VWA3B: variants seen among roughly 807,000 people sequenced by gnomAD.
VWA3B encodes von Willebrand factor A domain-containing protein 3B.
Under a neutral mutation model 158.3 loss-of-function variants are expected in VWA3B, and 138 were observed. The observed-to-expected ratio is 0.87, with a 90% CI of 0.76 to 1.00. The LOEUF (loss-of-function observed/expected upper bound fraction) is 1.00. Ranked by LOEUF, VWA3B falls within the 50% of genes least tolerant of loss-of-function variation. VWA3B has a pLI of 0.00. For synonymous variants in VWA3B, 596 were observed against 587.3 expected, an observed-to-expected ratio of 1.01 and a Z score of -0.21; for missense variants, 1,555 against 1,565.1, an observed-to-expected ratio of 0.99 and a Z score of 0.11.
intron 7 of VWA3B, among the ~76,000 whole-genome samples, chr2:98,156,989 G>A (rs1283764038): frequency 6.6e-6 from 1 of 151,970 alleles, no homozygotes; most frequent in Non-Finnish European, 1.5e-5. Flanking sequence ...GTTCATTTTT[G>A]GGTTTTCTAA....
intron 2 of VWA3B, among the ~76,000 whole-genome samples, chr2:98,106,226 A>C (rs1023322579): frequency 2.0e-5 from 3 of 151,840 alleles, no homozygotes; most frequent in African/African-American, 2.4e-5. Context: ...TAGGTTCTCT[A>C]TTTGTTCTAT....
chr2:98,195,119 A>G (rs1008505189), intron 12 of VWA3B, among the ~76,000 whole-genome samples: 1 of 152,212 alleles, frequency 6.6e-6, no homozygotes, highest in East Asian at 1.9e-4. Flanking sequence ...TATTTGAGAT[A>G]TACTACAATT....
At chr2:98,123,664 C>T (rs867503392) in intron 5 of VWA3B, among the ~76,000 whole-genome samples, 38 of 152,286 alleles carry the variant, frequency 2.5e-4, no homozygotes, top group Middle Eastern at 6.8e-3. Context: ...GAGGGCAGCA[C>T]GTGGGGTCCT....
At chr2:98,268,530 T>C (rs1162550969) in intron 21 of VWA3B, among the ~76,000 whole-genome samples, 5 of 152,174 alleles carry the variant, frequency 3.3e-5, no homozygotes, top group Admixed American at 3.3e-4. Flanking sequence ...TTCTTTTTTA[T>C]AGTTTCTGTC....
At chr2:98,162,817 C>G in intron 7 of VWA3B, 34 bp from the exon 8 acceptor site, 1 of 1,610,554 alleles carries the variant, frequency 6.2e-7, no homozygotes, top group Admixed American at 1.7e-5. Context: ...GGGCCTGTCT[C>G]AGCCGGCCGC....
intron 19 of VWA3B, among the ~76,000 whole-genome samples, chr2:98,237,019 T>C (rs1685747206): frequency 6.6e-6 from 1 of 152,020 alleles, no homozygotes; most frequent in African/African-American, 2.4e-5. Context: ...CTACAAAAAA[T>C]ACAAAAATTA....
chr2:98,299,039 C>A (rs1236961895), intron 24 of VWA3B, among the ~76,000 whole-genome samples: 2 of 152,150 alleles, frequency 1.3e-5, no homozygotes, highest in African/African-American at 4.8e-5. Context: ...CTTTGCTACC[C>A]GGCGTCAGGA....
chr2:98,242,223 T>G, intron 19 of VWA3B: 1 of 456,178 alleles, frequency 2.2e-6, no homozygotes, highest in Non-Finnish European at 4.4e-6. Flanking sequence ...GGGCTCTTTC[T>G]TCTTCTGGAA....
chr2:98,222,196 C>T (rs534478643), intron 14 of VWA3B, among the ~76,000 whole-genome samples: 5 of 152,158 alleles, frequency 3.3e-5, no homozygotes, highest in Non-Finnish European at 5.9e-5. Flanking sequence ...CTATCAACTT[C>T]CTACCCTTAA....
At chr2:98,155,194 C>T (rs1368934187) in intron 7 of VWA3B, among the ~76,000 whole-genome samples, 4 of 152,224 alleles carry the variant, frequency 2.6e-5, no homozygotes, top group Non-Finnish European at 5.9e-5. Flanking sequence ...TCACTGCTCA[C>T]TGGAATGTCA....
intron 25 of VWA3B, among the ~76,000 whole-genome samples, chr2:98,302,217 C>A (rs1690243369): frequency 6.6e-6 from 1 of 152,150 alleles, no homozygotes; most frequent in South Asian, 2.1e-4. Context: ...TCCTCTCCCC[C>A]AAACTCCCGT....
chr2:98,128,422 G>A lies in VWA3B; in HGVS notation c.872+14G>A, dbSNP rs1235037033. 5.0e-6 allele frequency: 8 copies of A among 1,608,012 alleles called. No homozygotes were observed. The East Asian group carries it at 1.3e-4, about 27-fold the overall frequency. ...GACCCACAGCAGGTAGGCAGAAAAT[G>A]TGCTCTTGAGTGACAGCAAGCGGGT... On this transcript the variant is annotated intron_variant, in intron 6 of 27. Transcript: ENST00000477737.
At chr2:98,108,868 G>C (rs957282852) in intron 2 of VWA3B, among the ~76,000 whole-genome samples, 12 of 151,884 alleles carry the variant, frequency 7.9e-5, no homozygotes, top group Admixed American at 3.9e-4. Context: ...GTTAGAGCTT[G>C]TTGACCATTT....
At chr2:98,161,146 C>G (rs1678541898) in intron 7 of VWA3B, among the ~76,000 whole-genome samples, 1 of 152,168 alleles carries the variant, frequency 6.6e-6, no homozygotes, top group South Asian at 2.1e-4. Context: ...ATCATGCAGA[C>G]TTGGGAAGTG....
chr2:98,319,219 GA>G, the VWA3B span, among the ~76,000 whole-genome samples: 567 of 137,786 alleles, frequency 4.1e-3, 5 homozygotes, highest in South Asian at 0.034. Context: ...ATGGATAAAA[GA>G]AAAAAAAAAA....
At chr2:98,299,713 T>C (rs1690057331) in intron 24 of VWA3B, among the ~76,000 whole-genome samples, 1 of 152,246 alleles carries the variant, frequency 6.6e-6, no homozygotes, top group African/African-American at 2.4e-5. Context: ...TACGTCTTGG[T>C]GACAGCCCTT....
chr2:98,090,054 C>T (rs943431132), intron 1 of VWA3B, among the ~76,000 whole-genome samples: 32 of 152,178 alleles, frequency 2.1e-4, no homozygotes, highest in Admixed American at 1.8e-3. Context: ...ACCTAGTACT[C>T]CCTTCAGCAA....
intron 19 of VWA3B, among the ~76,000 whole-genome samples, chr2:98,238,002 T>C (rs1685817417): frequency 6.6e-6 from 1 of 152,140 alleles, no homozygotes; most frequent in African/African-American, 2.4e-5. Flanking sequence ...AAATTTTCCA[T>C]AAAAAGAAGT....
chr2:98,223,665 C>T (rs748326697), intron 14 of VWA3B, among the ~76,000 whole-genome samples: 95 of 152,030 alleles, frequency 6.2e-4, no homozygotes, highest in Non-Finnish European at 5.3e-4. Context: ...GAAAATGGCA[C>T]GATAGTTTTC....
Sources: allele counts gnomAD v4.1 joint callset (sites outside exome capture counted in the v4.1 genomes callset), GRCh38; gene constraint gnomAD v4.1.1; transcripts MANE v1.5; gene names NCBI Gene and HGNC (gene_info 2026-07-23, HGNC 2026-07-21).